LRRC37A2: variants seen among roughly 807,000 people sequenced by gnomAD.
LRRC37A2 encodes leucine-rich repeat-containing protein 37A2.
Under a neutral mutation model 68.8 loss-of-function variants are expected in LRRC37A2, and 9 were observed. That is an observed-to-expected ratio of 0.13 (90% confidence interval 0.08 to 0.23). The LOEUF is 0.23. Ranked by LOEUF, LRRC37A2 falls within the 10% of genes least tolerant of loss-of-function variation. The pLI, the probability that LRRC37A2 is intolerant of heterozygous loss-of-function variation, is 1.00. For missense variants in LRRC37A2, 168 were observed against 950.4 expected (o/e 0.18, Z 10.82); for synonymous variants, 63 against 367.6 (o/e 0.17, Z 9.48).
the LRRC37A2 span, among the ~76,000 whole-genome samples, chr17:46,869,723 G>A: frequency 6.6e-6 from 1 of 152,206 alleles, no homozygotes; most frequent in South Asian, 2.1e-4. Flanking sequence ...CTTGGGCAGG[G>A]TGCAGTGGCT....
At chr17:47,048,019 T>TA in the LRRC37A2 span, among the ~76,000 whole-genome samples, 278 of 149,976 alleles carry the variant, frequency 1.9e-3, 1 homozygote, top group Middle Eastern at 6.8e-3. Context: ...CTTGGTTACA[T>TA]AAAGTCAGTG....
chr17:46,763,251 A>G, the LRRC37A2 span: 9 of 152,182 alleles, frequency 5.9e-5, no homozygotes, highest in African/African-American at 2.2e-4. Flanking sequence ...ACAGTTGTTG[A>G]ACCAATTCAT....
At chr17:46,769,951 G>A in the LRRC37A2 span, 6 of 1,613,126 alleles carry the variant, frequency 3.7e-6, no homozygotes, top group East Asian at 1.3e-4. Context: ...GCGAGTCACA[G>A]CCGCAAATGG....
At chr17:46,556,361 TGAA>T (rs1424138388), downstream of LRRC37A2, 2 of 67,102 alleles carry the variant, frequency 3.0e-5, no homozygotes, top group African/African-American at 2.1e-4. Context: ...TGAAGCCAGT[TGAA>T]GAGATACACA....
the LRRC37A2 span, among the ~76,000 whole-genome samples, chr17:46,912,450 T>G: frequency 6.6e-6 from 1 of 152,342 alleles, no homozygotes; most frequent in East Asian, 1.9e-4. Context: ...CCTTTTATCC[T>G]GTTTACAATA....
the LRRC37A2 span, among the ~76,000 whole-genome samples, chr17:46,595,360 A>G: frequency 3.1e-4 from 22 of 70,638 alleles, no homozygotes; most frequent in African/African-American, 2.9e-3. Flanking sequence ...GTGCATATTT[A>G]TGGAGTACAT....
At chr17:46,855,625 T>C in the LRRC37A2 span, among the ~76,000 whole-genome samples, 1 of 152,340 alleles carries the variant, frequency 6.6e-6, no homozygotes, top group South Asian at 2.1e-4. Context: ...ACTTCTGTGA[T>C]GTTGTATAAA....
At chr17:46,920,475 T>C in the LRRC37A2 span, among the ~76,000 whole-genome samples, 1 of 152,160 alleles carries the variant, frequency 6.6e-6, no homozygotes, top group Non-Finnish European at 1.5e-5. Context: ...GTGGACAGTC[T>C]CTTGGGACAC....
the LRRC37A2 span, among the ~76,000 whole-genome samples, chr17:46,796,129 C>T: frequency 6.6e-6 from 1 of 152,202 alleles, no homozygotes; most frequent in Non-Finnish European, 1.5e-5. Context: ...CAATCCTGAT[C>T]TTATTGCTAC....
chr17:46,685,787 T>G, the LRRC37A2 span, among the ~76,000 whole-genome samples: 5 of 149,048 alleles, frequency 3.4e-5, no homozygotes, highest in African/African-American at 1.2e-4. Flanking sequence ...TTGATGTTAT[T>G]GTACTGACTA....
chr17:46,891,297 G>A, the LRRC37A2 span, among the ~76,000 whole-genome samples: 3 of 152,186 alleles, frequency 2.0e-5, no homozygotes, highest in Non-Finnish European at 2.9e-5. Context: ...AGCCCACAGG[G>A]CAGGCAGGGG....
the LRRC37A2 span, chr17:46,764,768 TCTC>T: frequency 6.6e-6 from 1 of 152,242 alleles, no homozygotes; most frequent in African/African-American, 2.4e-5. Context: ...TTCTCCACGC[TCTC>T]CTCTGTGCTT....
At chr17:46,749,952 T>A in the LRRC37A2 span, 1 of 1,596,044 alleles carries the variant, frequency 6.3e-7, no homozygotes, top group East Asian at 2.2e-5. Flanking sequence ...AAGAAAGGAA[T>A]TGAGGCTGAA....
At position 46,550,398 on chromosome 17, in the gene LRRC37A2, T is replaced by C; in HGVS notation, c.4705-17T>C. The stretch of plus-strand genomic sequence containing the variant: ...AGCTCTCATTCTGGTTTTTTTTTTG[T>C]GTGTTTTTTTTTTTAGCTCAAAAAA... On this transcript the variant is annotated splice_polypyrimidine_tract_variant and intron_variant, in intron 10 of 14. Coordinates refer to ENST00000576629, the Ensembl canonical transcript of LRRC37A2. 4.0e-6 allele frequency: 3 copies of C among 744,658 alleles called. No individual in the cohort carries two copies. Among genetic ancestry groups the C allele is most frequent in the Non-Finnish European group, 6.0e-6 (3 of 498,474 alleles). 46.1% of individuals were successfully genotyped at this position (744,658 alleles called of 1,614,324 possible). A position where few individuals can be genotyped will look rare whatever the true frequency, so the allele number is the denominator to read the frequency against.
chr17:46,780,716 GC>G, the LRRC37A2 span, among the ~76,000 whole-genome samples: 8 of 152,044 alleles, frequency 5.3e-5, no homozygotes, highest in Non-Finnish European at 1.0e-4. Context: ...GGCAGAGCTT[GC>G]AGTGAGCTGA....
intron 8 of LRRC37A2, among the ~76,000 whole-genome samples, chr17:46,544,719 A>C (rs993346216): frequency 2.2e-5 from 2 of 92,274 alleles, no homozygotes; most frequent in South Asian, 3.2e-4. Context: ...GATTGTTTTT[A>C]TCTCTCTGAA....
chr17:46,801,355 C>T, the LRRC37A2 span, among the ~76,000 whole-genome samples: 1 of 152,220 alleles, frequency 6.6e-6, no homozygotes, highest in African/African-American at 2.4e-5. Context: ...CACGGTGGCT[C>T]ACGCCTGTAA....
the LRRC37A2 span, among the ~76,000 whole-genome samples, chr17:46,784,916 C>T: frequency 6.6e-6 from 1 of 152,044 alleles, no homozygotes; most frequent in African/African-American, 2.4e-5. Context: ...GCTGGGACTA[C>T]AGGCACCCGC....
chr17:46,773,322 T>C, the LRRC37A2 span, among the ~76,000 whole-genome samples: 2 of 152,090 alleles, frequency 1.3e-5, no homozygotes, highest in Non-Finnish European at 2.9e-5. Flanking sequence ...GGCAATGCTC[T>C]CACCCCCACC....
Sources: allele counts gnomAD v4.1 joint callset (sites outside exome capture counted in the v4.1 genomes callset), GRCh38; gene constraint gnomAD v4.1.1; transcripts MANE v1.5; gene names NCBI Gene and HGNC (gene_info 2026-07-23, HGNC 2026-07-21).